The following MND1 variants were observed in gnomAD, a reference collection of about 807,000 sequenced individuals.
MND1 encodes meiotic nuclear divisions 1, also known as meiotic nuclear division protein 1 homolog.
MND1 carries 28 observed loss-of-function variants against 35.1 expected under a neutral mutation model. That is an observed-to-expected ratio of 0.80 (90% CI 0.59 to 1.09). MND1 has a LOEUF of 1.09. Ranked by LOEUF, MND1 falls within the 50% of genes least tolerant of loss-of-function variation. The pLI, the probability that MND1 is intolerant of heterozygous loss-of-function variation, is 0.00. For synonymous variants in MND1, 69 were observed against 70.5 expected, an observed-to-expected ratio of 0.98 and a Z score of 0.11; for missense variants, 213 against 239.6, an observed-to-expected ratio of 0.89 and a Z score of 0.73.
intron 7 of MND1, among the ~76,000 whole-genome samples, chr4:153,410,671 G>T (rs181494950): frequency 1.6e-4 from 25 of 152,118 alleles, no homozygotes; most frequent in Admixed American, 8.5e-4. Flanking sequence ...TTATCATATA[G>T]AAAGAAAGTT....
At chr4:153,360,814 CATATATACACAT>C (rs1321317303) in intron 4 of MND1, among the ~76,000 whole-genome samples, 2 of 151,040 alleles carry the variant, frequency 1.3e-5, no homozygotes, top group South Asian at 2.1e-4. Flanking sequence ...CACATATATA[CATATATACACAT>C]ATATATACAC....
At chr4:153,379,325 G>GAAA (rs375547555) in intron 4 of MND1, among the ~76,000 whole-genome samples, 13 of 132,080 alleles carry the variant, frequency 9.8e-5, no homozygotes, top group African/African-American at 3.6e-4. Flanking sequence ...AAGAAGAAAA[G>GAAA]AAAAAAAAAA....
chr4:153,381,789 C>T (rs2149646628), intron 4 of MND1: 1 of 138,168 alleles, frequency 7.2e-6, no homozygotes, highest in African/African-American at 2.7e-5. Flanking sequence ...CATGATCCCA[C>T]TACTGATCAG....
intron 5 of MND1, 54 bp from the exon 6 acceptor site, chr4:153,397,165 C>A: frequency 1.6e-6 from 2 of 1,230,842 alleles, no homozygotes; most frequent in Non-Finnish European, 2.3e-6. Context: ...TATTACCTTA[C>A]AACATATAGA....
At chr4:153,349,662 C>A (rs536147766) in intron 1 of MND1, among the ~76,000 whole-genome samples, 1 of 152,286 alleles carries the variant, frequency 6.6e-6, no homozygotes, top group African/African-American at 2.4e-5. Flanking sequence ...CTTAGGTAAC[C>A]CTTCTTCCTC....
rs34763120 is a variant in MND1, at chr4:153,356,552, C to CAAAAA, written c.127+861_127+865dup. The stretch of plus-strand genomic sequence containing the variant: ...TGGGTGACAGAGTGAAACTCAGTCT[C>CAAAAA]AAAAAAAAAAAAAAAAAAAAAAAAG... On this transcript the variant is annotated intron_variant, in intron 3 of 7. Transcript: ENST00000240488. 5.3e-4 allele frequency among the ~76,000 whole-genome samples: 32 copies of CAAAAA among 60,022 alleles called. 2 individuals are homozygous for CAAAAA. Among genetic ancestry groups the CAAAAA allele is most frequent in the Admixed American group, 1.4e-3 (5 of 3,612 alleles). 39.4% of individuals were successfully genotyped at this position (60,022 alleles called of 152,430 possible). A position where few individuals can be genotyped will look rare whatever the true frequency, so the allele number is the denominator to read the frequency against.
At chr4:153,402,384 C>T (rs1729367909) in intron 6 of MND1, among the ~76,000 whole-genome samples, 1 of 152,156 alleles carries the variant, frequency 6.6e-6, no homozygotes, top group African/African-American at 2.4e-5. Flanking sequence ...GGAGTAAGGA[C>T]TTCTGAAACT....
intron 2 of MND1, among the ~76,000 whole-genome samples, chr4:153,351,888 G>GT (rs888720924): frequency 6.6e-6 from 1 of 152,124 alleles, no homozygotes; most frequent in African/African-American, 2.4e-5. Context: ...ATTAACAATG[G>GT]TAAGATACAG....
At chr4:153,397,653 C>CG (rs1554012927) in intron 6 of MND1, among the ~76,000 whole-genome samples, 38 of 145,598 alleles carry the variant, frequency 2.6e-4, no homozygotes, top group Admixed American at 2.5e-3. Context: ...CCCATCTCTA[C>CG]AAAAAAAAAA....
At chr4:153,375,383 T>C (rs928472490) in intron 4 of MND1, among the ~76,000 whole-genome samples, 10 of 152,074 alleles carry the variant, frequency 6.6e-5, no homozygotes, top group African/African-American at 2.2e-4. Context: ...CACTAAGAGA[T>C]TGAATAATTT....
chr4:153,356,326 CA>C (rs1361813829), intron 3 of MND1, among the ~76,000 whole-genome samples: 1 of 151,978 alleles, frequency 6.6e-6, no homozygotes, highest in Non-Finnish European at 1.5e-5. Flanking sequence ...GAGGCCAAGG[CA>C]GTTGGATCAT....
intron 4 of MND1, among the ~76,000 whole-genome samples, chr4:153,388,219 G>A (rs1728920973): frequency 6.6e-6 from 1 of 152,196 alleles, no homozygotes; most frequent in African/African-American, 2.4e-5. Flanking sequence ...GCTGGGCGTG[G>A]TGGCTCATGC....
At chr4:153,370,189 G>A (rs745307640) in intron 4 of MND1, among the ~76,000 whole-genome samples, 4 of 151,972 alleles carry the variant, frequency 2.6e-5, no homozygotes, top group African/African-American at 7.2e-5. Flanking sequence ...GGCTGAGACA[G>A]GAGAATCACT....
chr4:153,375,715 A>G (rs902551684), intron 4 of MND1, among the ~76,000 whole-genome samples: 18 of 152,300 alleles, frequency 1.2e-4, no homozygotes, highest in African/African-American at 3.1e-4. Context: ...CTAATTGCTT[A>G]AAACAATTAG....
At chr4:153,414,192 T>C (rs1234212048) in intron 7 of MND1, among the ~76,000 whole-genome samples, 5 of 152,220 alleles carry the variant, frequency 3.3e-5, no homozygotes, top group Non-Finnish European at 7.3e-5. Flanking sequence ...TCCCTGTTTT[T>C]CTATTATTCT....
At position 153,355,112 on chromosome 4, in the gene MND1, C is replaced by T. The variant is rs200879059; in HGVS notation, c.70-542C>T. The stretch of plus-strand genomic sequence containing the variant: ...CCTGGAGGTCAAGGCTGCAGTGAGC[C>T]ATGATCGTGCCACTGTACTCCCATC... On this transcript the variant is annotated intron_variant, in intron 2 of 7. Transcript: ENST00000240488. Among the ~76,000 whole-genome samples the T allele has an allele frequency of 5.3e-5, 8 of 152,136 alleles. No homozygotes were observed. In the East Asian group the frequency reaches 1.5e-3, roughly 29 times the overall value.
At chr4:153,360,795 TCATATATACACATATATA>T (rs1330241405) in intron 4 of MND1, among the ~76,000 whole-genome samples, 23 of 149,266 alleles carry the variant, frequency 1.5e-4, no homozygotes, top group Non-Finnish European at 2.5e-4. Context: ...ACACATATAT[TCATATATACACATATATA>T]CATATATACA....
chr4:153,413,924 T>C (rs80155443), intron 7 of MND1, among the ~76,000 whole-genome samples: 38 of 152,202 alleles, frequency 2.5e-4, no homozygotes, highest in Non-Finnish European at 5.3e-4. Flanking sequence ...CCACTTTTTT[T>C]CAGTTGTTAA....
At chr4:153,358,947 C>T (rs1184726898) in intron 4 of MND1, among the ~76,000 whole-genome samples, 2 of 152,144 alleles carry the variant, frequency 1.3e-5, no homozygotes, top group Non-Finnish European at 2.9e-5. Flanking sequence ...AGTTCCCAAA[C>T]GTGCCCTTTC....
Sources: allele counts gnomAD v4.1 joint callset (sites outside exome capture counted in the v4.1 genomes callset), GRCh38; gene constraint gnomAD v4.1.1; transcripts MANE v1.5; gene names NCBI Gene and HGNC (gene_info 2026-07-23, HGNC 2026-07-21).